Variants in CSMD1 observed in about 807,000 individuals in gnomAD.
The protein encoded by CSMD1 is CUB and Sushi multiple domains 1.
CSMD1 carries 213 observed loss-of-function variants against 417.5 expected under a neutral mutation model. The ratio of observed to expected loss-of-function variants is 0.51; its 90% CI spans 0.46 to 0.57. The LOEUF is 0.57. Among genes scored for constraint, CSMD1 ranks in the 20% least tolerant of loss-of-function variants. CSMD1 has a pLI of 0.00. For synonymous variants in CSMD1, 2,862 were observed against 1,736.8 expected (o/e 1.65, Z -16.11); for missense variants, 6,923 against 4,529.7 (o/e 1.53, Z -15.17).
At chr8:4,299,451 G>A (rs1797864322) in intron 3 of CSMD1, among the ~76,000 whole-genome samples, 1 of 152,146 alleles carries the variant, frequency 6.6e-6, no homozygotes, top group African/African-American at 2.4e-5. Context: ...AAAGCCACTA[G>A]TAATTGGTTC....
intron 1 of CSMD1, among the ~76,000 whole-genome samples, chr8:4,843,863 A>G (rs190585152): frequency 1.2e-4 from 19 of 152,334 alleles, no homozygotes; most frequent in Admixed American, 6.5e-4. Context: ...AGTCAACCGC[A>G]ATTTAACAAA....
At chr8:3,761,626 C>A (rs1451014032) in intron 5 of CSMD1, among the ~76,000 whole-genome samples, 3 of 150,652 alleles carry the variant, frequency 2.0e-5, no homozygotes, top group Non-Finnish European at 2.9e-5. Flanking sequence ...CTGCCTCAGA[C>A]TGCTGAGTAT....
At position 4,173,112 on chromosome 8, in the gene CSMD1, G is replaced by A. The variant is rs576269678; in HGVS notation, c.416-141013C>T. ...GGAAAGGTTGTATGAACCACACGGA[G>A]GAAGTAACTATACAGTGCAACAAGT... On this transcript the variant is annotated intron_variant, in intron 3 of 69. Coordinates refer to ENST00000635120, the MANE Select transcript of CSMD1 (RefSeq NM_033225.6). Among the ~76,000 whole-genome samples, 11 of 152,222 alleles carry A rather than the reference G, an allele frequency of 7.2e-5. No homozygotes were observed. In the South Asian group the frequency reaches 1.7e-3, roughly 23 times the overall value.
intron 3 of CSMD1, among the ~76,000 whole-genome samples, chr8:4,157,905 T>G (rs976031264): frequency 1.3e-5 from 2 of 152,182 alleles, no homozygotes; most frequent in Non-Finnish European, 2.9e-5. Context: ...GATGCTGAAC[T>G]TGGGCTTGTC....
intron 1 of CSMD1, among the ~76,000 whole-genome samples, chr8:4,748,056 A>C (rs1460662155): frequency 6.6e-6 from 1 of 152,194 alleles, no homozygotes; most frequent in Non-Finnish European, 1.5e-5. Context: ...AAAACAGGGC[A>C]CTCAGCTGTG....
At chr8:3,005,271 C>T (rs190940392) in intron 52 of CSMD1, among the ~76,000 whole-genome samples, 5 of 152,266 alleles carry the variant, frequency 3.3e-5, no homozygotes, top group Non-Finnish European at 5.9e-5. Flanking sequence ...AAAGAGTTTC[C>T]GTACCATAAG....
chr8:3,207,455 T>A (rs935668413), intron 30 of CSMD1, among the ~76,000 whole-genome samples: 1 of 152,070 alleles, frequency 6.6e-6, no homozygotes. Flanking sequence ...AATGGCAATT[T>A]TCAAGCCTCA....
chr8:4,474,430 G>A (rs1467916693), intron 2 of CSMD1, among the ~76,000 whole-genome samples: 1 of 152,170 alleles, frequency 6.6e-6, no homozygotes, highest in African/African-American at 2.4e-5. Context: ...GGTCATAGAA[G>A]TGAAAAAGAA....
intron 5 of CSMD1, among the ~76,000 whole-genome samples, chr8:3,875,091 C>G (rs1805726509): frequency 6.6e-6 from 1 of 151,294 alleles, no homozygotes; most frequent in Admixed American, 6.6e-5. Context: ...TGCCTGGGGA[C>G]CAGATCCTAG....
At chr8:3,081,703 T>C (rs1814112623) in intron 49 of CSMD1, among the ~76,000 whole-genome samples, 2 of 152,208 alleles carry the variant, frequency 1.3e-5, no homozygotes, top group African/African-American at 2.4e-5. Context: ...AGCTGCCTAG[T>C]TTGAAATTTA....
intron 49 of CSMD1, among the ~76,000 whole-genome samples, chr8:3,053,808 T>C (rs1359884688): frequency 6.6e-6 from 1 of 152,142 alleles, no homozygotes; most frequent in Non-Finnish European, 1.5e-5. Flanking sequence ...ACGTACCCAC[T>C]TCAGCTGCAC....
At chr8:2,996,574 T>A (rs1433468240) in intron 54 of CSMD1, among the ~76,000 whole-genome samples, 2 of 152,074 alleles carry the variant, frequency 1.3e-5, no homozygotes, top group South Asian at 4.1e-4. Context: ...CCACAAAGAG[T>A]CACCGCTAGC....
At chr8:4,824,178 C>T (rs1032672715) in intron 1 of CSMD1, among the ~76,000 whole-genome samples, 1 of 151,710 alleles carries the variant, frequency 6.6e-6, no homozygotes, top group Non-Finnish European at 1.5e-5. Flanking sequence ...TATTTTTGGA[C>T]AAAGTAGTTT....
intron 3 of CSMD1, among the ~76,000 whole-genome samples, chr8:4,272,969 G>C: frequency 6.6e-6 from 1 of 152,074 alleles, no homozygotes; most frequent in Non-Finnish European, 1.5e-5. Context: ...TAATTACAAA[G>C]GAAGGAAAAC....
At chr8:3,402,342 T>TA (rs889591174) in intron 15 of CSMD1, among the ~76,000 whole-genome samples, 8 of 152,168 alleles carry the variant, frequency 5.3e-5, no homozygotes, top group African/African-American at 1.2e-4. Flanking sequence ...TATCTTTTGC[T>TA]AAAAAAATCA....
intron 5 of CSMD1, among the ~76,000 whole-genome samples, chr8:3,840,696 T>G (rs1803077768): frequency 6.7e-6 from 1 of 149,680 alleles, no homozygotes; most frequent in African/African-American, 2.5e-5. Flanking sequence ...TTTTTTAATT[T>G]TTTTTTTTTT....
At chr8:3,412,197 C>G (rs1446730733) in intron 12 of CSMD1, among the ~76,000 whole-genome samples, 1 of 148,602 alleles carries the variant, frequency 6.7e-6, no homozygotes, top group Non-Finnish European at 1.5e-5. Context: ...CATATACATA[C>G]ATACACACAC....
intron 1 of CSMD1, among the ~76,000 whole-genome samples, chr8:4,860,709 A>G (rs1802080752): frequency 6.6e-6 from 1 of 152,192 alleles, no homozygotes; most frequent in Non-Finnish European, 1.5e-5. Context: ...TGGAATAAAG[A>G]CAAATACATT....
At chr8:3,393,897 G>C (rs1444743201) in intron 17 of CSMD1, among the ~76,000 whole-genome samples, 1 of 150,300 alleles carries the variant, frequency 6.7e-6, no homozygotes, top group Admixed American at 6.7e-5. Flanking sequence ...TAAATGACGA[G>C]TTAATGGGTG....
Sources: gnomAD v4.1 joint callset for allele counts (sites outside exome capture counted in the v4.1 genomes callset) on GRCh38, gnomAD v4.1.1 for gene constraint, MANE v1.5 for transcripts, NCBI Gene and HGNC (gene_info 2026-07-23, HGNC 2026-07-21) for gene names.